Variants in LAMC2 observed in about 807,000 individuals in gnomAD.
The protein encoded by LAMC2 is laminin subunit gamma-2.
In LAMC2, 97 loss-of-function variants were observed where a neutral mutation model predicts 140.2. The observed-to-expected ratio is 0.69, with a 90% CI of 0.59 to 0.82. The LOEUF is 0.82. LAMC2 is among the 40% of genes least tolerant of loss of function. LAMC2 has a pLI of 0.00. For missense variants in LAMC2, 1,402 were observed against 1,476.1 expected (o/e 0.95, Z 0.82); for synonymous variants, 513 against 540.2 (o/e 0.95, Z 0.70).
chr1:183,254,475 G>A, the LAMC2 span, among the ~76,000 whole-genome samples: 3 of 152,130 alleles, frequency 2.0e-5, no homozygotes, highest in African/African-American at 7.2e-5. Context: ...GTCTCACTCT[G>A]TTGCCCAGGC....
chr1:183,211,348 A>G (rs949014138), intron 2 of LAMC2, among the ~76,000 whole-genome samples: 2 of 152,094 alleles, frequency 1.3e-5, no homozygotes, highest in African/African-American at 4.8e-5. Context: ...TTAATTTTAT[A>G]TTTTTTTACA....
intron 2 of LAMC2, among the ~76,000 whole-genome samples, chr1:183,209,456 T>TC (rs1659006502): frequency 6.6e-6 from 1 of 152,312 alleles, no homozygotes; most frequent in Admixed American, 6.5e-5. Flanking sequence ...CCCCCCAAAT[T>TC]CACCTAAGTT....
At chr1:183,238,271 A>G in intron 18 of LAMC2, 36 bp from the exon 19 acceptor site, 1 of 1,474,584 alleles carries the variant, frequency 6.8e-7, no homozygotes, top group East Asian at 2.3e-5. Context: ...GCAGGAATGT[A>G]CTTCCTCTAA....
At chr1:183,239,876 C>A in intron 20 of LAMC2, 164 bp from the exon 21 acceptor site, 1 of 820,258 alleles carries the variant, frequency 1.2e-6, no homozygotes, top group Non-Finnish European at 2.0e-6. Context: ...TGAGGCAGAG[C>A]TTGGCAAAGT....
chr1:183,192,190 G>T (rs1323611216), intron 1 of LAMC2, among the ~76,000 whole-genome samples: 1 of 152,158 alleles, frequency 6.6e-6, no homozygotes, highest in Non-Finnish European at 1.5e-5. Flanking sequence ...ATCAGGTGAG[G>T]GGTGGAGATC....
chr1:183,211,911 T>C (rs980430970), intron 2 of LAMC2, among the ~76,000 whole-genome samples: 12 of 152,206 alleles, frequency 7.9e-5, no homozygotes, highest in African/African-American at 2.9e-4. Context: ...GACACAAATT[T>C]GAAACAGGAA....
At chr1:183,207,816 C>A in intron 1 of LAMC2, 65 bp from the exon 2 acceptor site, 3 of 1,308,114 alleles carry the variant, frequency 2.3e-6, no homozygotes, top group Non-Finnish European at 2.2e-6. Context: ...TAAACACCTG[C>A]TAGAACAGTT....
downstream of LAMC2, among the ~76,000 whole-genome samples, chr1:183,245,997 G>T (rs767277767): frequency 6.6e-6 from 1 of 152,010 alleles, no homozygotes; most frequent in Non-Finnish European, 1.5e-5. Flanking sequence ...GTGAAACCCC[G>T]TCTCTACTAA....
chr1:183,227,378 A>G (rs1298431273), intron 9 of LAMC2, 137 bp from the exon 10 acceptor site: 8 of 850,300 alleles, frequency 9.4e-6, no homozygotes, highest in African/African-American at 6.6e-5. Context: ...GGGAGGGGTG[A>G]ATGCCAGTGC....
At chr1:183,203,531 G>T (rs1431268440) in intron 1 of LAMC2, among the ~76,000 whole-genome samples, 1 of 146,948 alleles carries the variant, frequency 6.8e-6, no homozygotes. Context: ...TTTTAGGGAA[G>T]TTAGTCTCAA....
rs76667253 is a variant in LAMC2, at chr1:183,226,139, CT to C, written c.1066+435del. Among the ~76,000 whole-genome samples the C allele has an allele frequency of 8.9e-3, 1,210 of 136,102 alleles. 4 individuals are homozygous for C. The highest frequency in any genetic ancestry group is 0.021 in the East Asian group (98 of 4,716). The allele number at this position is 136,102 out of a possible 152,430, so 89.3% of individuals were successfully genotyped here. The stretch of plus-strand genomic sequence containing the variant: ...GAGTCATCATGTATTCTATTAATTC[CT>C]TTTTTTTTTTTTTTTGAATTTCACA... On this transcript the variant is annotated intron_variant, in intron 8 of 22. Transcript: ENST00000264144.
rs1346459284 is a variant in LAMC2 at position 183,229,514 on chromosome 1, G to A, written c.1714+895G>A. Among the ~76,000 whole-genome samples the A allele has an allele frequency of 2.0e-5, 3 of 151,548 alleles. No individual in the cohort carries two copies. The East Asian group carries it at 5.8e-4, about 29-fold the overall frequency. Reference sequence around the variant, plus strand: ...TAGCTGGACGTGGTGGTGGGTGCCTGTAATCCCAGCTACTCAGGAGGCCGA... The same window carrying A: ...TAGCTGGACGTGGTGGTGGGTGCCTATAATCCCAGCTACTCAGGAGGCCGA... On this transcript the variant is annotated intron_variant, in intron 11 of 22. Coordinates refer to ENST00000264144, the MANE Select transcript of LAMC2 (RefSeq NM_005562.3).
chr1:183,218,456 C>A lies in LAMC2; in HGVS notation c.471C>A (p.Cys157Ter). The A allele has an allele frequency of 6.2e-7, 1 of 1,613,984 alleles. No homozygotes were observed. ...AGPCDAGRCV[C>*]KPAVTGERCD... ...CCTGTGACGCGGGCCGCTGTGTCTG[C>A]AAGCCAGCTGTCACTGGAGAACGCT... is the stretch of plus-strand genomic sequence containing the variant. Residue 157 changes from cysteine (C) to a stop codon, truncating the protein, a stop_gained, in exon 4 of 23, where the codon TGC becomes TGA. Coordinates refer to ENST00000264144, the MANE Select transcript of LAMC2 (RefSeq NM_005562.3). LOFTEE classifies it high-confidence loss of function.
downstream of LAMC2, among the ~76,000 whole-genome samples, chr1:183,245,396 A>G (rs1383237334): frequency 6.6e-6 from 1 of 152,222 alleles, no homozygotes; most frequent in Non-Finnish European, 1.5e-5. Context: ...CTGTCTTGGC[A>G]TACCCAATTA....
chr1:183,186,842 T>A (rs1658169923), intron 1 of LAMC2, among the ~76,000 whole-genome samples: 3 of 152,218 alleles, frequency 2.0e-5, no homozygotes, highest in Admixed American at 2.0e-4. Context: ...AAGGAACCTC[T>A]TCAATAATCC....
In LAMC2 at chr1:183,226,882, C is replaced by A; in HGVS notation, c.1251C>A (p.Asn417Lys). The A allele has an allele frequency of 6.2e-7, 1 of 1,614,044 alleles. No homozygotes were observed. Among genetic ancestry groups the A allele is most frequent in the South Asian group, 1.1e-5 (1 of 91,070 alleles). ...LGPFGTCIPC[N>K]CQGGGACDPD... ...CTTTTGGCACCTGTATTCCTTGTAA[C>A]TGTCAAGGGGGAGGGGCCTGTGATC... is the stretch of plus-strand genomic sequence containing the variant. The change falls in exon 9 of 23, where the codon AAC becomes AAA. Residue 417 changes from asparagine to lysine, a missense_variant. Around this residue, in one of 3 missense-constraint regions of LAMC2, gnomAD observed 723 missense variants for 783.3 expected, o/e 0.92. Transcript: ENST00000264144.
Position 183,240,117 on chromosome 1 carries a change from G to A in LAMC2, c.3147G>A (p.Leu1049=). The A allele has an allele frequency of 6.2e-7, 1 of 1,614,212 alleles. No individual in the cohort carries two copies. ...CCATGGAAAAGGGACTGGCCTCTCTGAAGAGTGAGATGAGGGAAGTGGAAG... is the reference window on the plus strand; with the variant it reads ...CCATGGAAAAGGGACTGGCCTCTCTAAAGAGTGAGATGAGGGAAGTGGAAG... ...ALAMEKGLAS[L]KSEMREVEGE... is the part of the protein sequence containing the mutation. The change falls in exon 21 of 23, where the codon CTG becomes CTA. Residue 1049 remains leucine, a synonymous_variant. Transcript: ENST00000264144.
chr1:183,203,480 G>A (rs12410897), intron 1 of LAMC2, among the ~76,000 whole-genome samples: 17,323 of 100,598 alleles, frequency 0.17, 872 homozygotes, highest in East Asian at 0.3. Context: ...CCTGCCCCCC[G>A]CCCCCCCTCA....
chr1:183,240,678 A>G, intron 22 of LAMC2: 1 of 1,325,410 alleles, frequency 7.5e-7, no homozygotes, highest in Non-Finnish European at 9.7e-7. Flanking sequence ...AACACGAGAC[A>G]GCTTGGGAAT....
Sources: allele counts gnomAD v4.1 joint callset (sites outside exome capture counted in the v4.1 genomes callset), GRCh38; gene constraint gnomAD v4.1.1; regional missense constraint gnomAD v4.1.1; transcripts MANE v1.5; gene names NCBI Gene and HGNC (gene_info 2026-07-23, HGNC 2026-07-21).